Variants in ADCY1 observed in about 807,000 individuals in gnomAD.
ADCY1 encodes the protein adenylate cyclase type 1.
A neutral mutation model predicts 105.4 loss-of-function variants in ADCY1; 28 were observed. The observed-to-expected ratio is 0.27, with a 90% CI of 0.20 to 0.36. ADCY1 has a LOEUF of 0.36. ADCY1 is among the 10% of genes least tolerant of loss of function. The pLI is 1.00. For synonymous variants in ADCY1, 655 were observed against 623.8 expected (o/e 1.05, Z -0.75); for missense variants, 977 against 1,434.2 (o/e 0.68, Z 5.15).
At chr7:45,610,757 TG>T (rs1562686965) in intron 3 of ADCY1, among the ~76,000 whole-genome samples, 18 of 20,022 alleles carry the variant, frequency 9.0e-4, no homozygotes, top group South Asian at 3.2e-3. Flanking sequence ...ATGATGGAGG[TG>T]TAGAGGTGAT....
At position 45,647,545 on chromosome 7, in the gene ADCY1, TC is replaced by T. The variant is rs1390397891; in HGVS notation, c.1021-1123del. 6.6e-6 allele frequency among the ~76,000 whole-genome samples: 1 copy of T among 152,214 alleles called. No homozygotes were observed. The highest frequency in any genetic ancestry group is 2.4e-5 in the African/African-American group (1 of 41,462). The stretch of plus-strand genomic sequence containing the variant: ...AGACCATTTCAGGGGACTTGTGAGG[TC>T]CTTCCTCATCCAGCACTGTGCTTGT... On this transcript the variant is annotated intron_variant, in intron 4 of 19. Transcript: ENST00000297323. The surrounding 1 kb of genome is among the most constrained non-coding windows in gnomAD (Gnocchi z 4.6).
At chr7:45,693,236 C>T (rs1784815819) in intron 14 of ADCY1, among the ~76,000 whole-genome samples, 1 of 151,326 alleles carries the variant, frequency 6.6e-6, no homozygotes, top group South Asian at 2.1e-4. Flanking sequence ...TTCGGTTTGC[C>T]AGTATTTTAT....
At chr7:45,607,001 C>T (rs146673021) in intron 2 of ADCY1, among the ~76,000 whole-genome samples, 168 of 149,302 alleles carry the variant, frequency 1.1e-3, no homozygotes, top group African/African-American at 3.8e-3. Flanking sequence ...TGAGCTACTT[C>T]GTCTTTTTTT....
Position 45,587,637 on chromosome 7 carries a change from C to T in ADCY1, c.640-5122C>T, listed in dbSNP as rs148876872. Among the ~76,000 whole-genome samples the T allele has an allele frequency of 5.9e-5, 9 of 152,112 alleles. No individual in the cohort carries two copies. The East Asian group carries it at 1.4e-3, about 23-fold the overall frequency. On this transcript the variant is annotated intron_variant, in intron 1 of 19. Transcript: ENST00000297323. ...GATACTTTCTCCAAGGACTATGGGA[C>T]GTCTTGGGTTGGGGGAGGGGCCCAG...
rs146508299 is a variant in ADCY1, at chr7:45,601,174, C to T, written c.789+8266C>T. Among the ~76,000 whole-genome samples the T allele has an allele frequency of 2.8e-3, 420 of 152,272 alleles. 1 individual carries two copies. Among genetic ancestry groups the T allele is most frequent in the African/African-American group, 9.5e-3 (396 of 41,536 alleles). ...GAGTGCAAATAGAAGTACATATGGCCGCCCCTGTGCAGCTGGTGGAGAAGC... is the reference window on the plus strand; with the variant it reads ...GAGTGCAAATAGAAGTACATATGGCTGCCCCTGTGCAGCTGGTGGAGAAGC... On this transcript the variant is annotated intron_variant, in intron 2 of 19. Coordinates refer to ENST00000297323, the MANE Select transcript of ADCY1 (RefSeq NM_021116.4).
chr7:45,679,930 AG>A, intron 11 of ADCY1, 137 bp downstream of exon 11: 1 of 909,120 alleles, frequency 1.1e-6, no homozygotes, highest in Non-Finnish European at 1.7e-6. Context: ...CACCTTGTTC[AG>A]GTATGTGGGT....
At chr7:45,661,937 G>A (rs529342993) in intron 7 of ADCY1, 122 bp from the exon 8 acceptor site, 174 of 1,223,280 alleles carry the variant, frequency 1.4e-4, no homozygotes, top group Non-Finnish European at 1.8e-4. Flanking sequence ...TGAAGTAGGC[G>A]CTGAGCAAAT....
At chr7:45,597,663 G>C (rs1394818372) in intron 2 of ADCY1, among the ~76,000 whole-genome samples, 1 of 152,218 alleles carries the variant, frequency 6.6e-6, no homozygotes, top group Non-Finnish European at 1.5e-5. Flanking sequence ...GGTCTGGTCT[G>C]CTCCTGCCGA....
intron 6 of ADCY1, 37 bp downstream of exon 6, chr7:45,657,922 G>T: frequency 6.5e-7 from 1 of 1,541,370 alleles, no homozygotes. Flanking sequence ...GAGGGAGGTG[G>T]GTGATGGCTG....
At chr7:45,606,177 C>T (rs1313842002) in intron 2 of ADCY1, among the ~76,000 whole-genome samples, 1 of 151,900 alleles carries the variant, frequency 6.6e-6, no homozygotes, top group East Asian at 1.9e-4. Flanking sequence ...TTCCCACTGA[C>T]TCTGCAGAGT....
Position 45,713,950 on chromosome 7 carries a change from C to G in ADCY1, c.3315C>G (p.Ser1105=). 1.3e-6 allele frequency: 1 copy of G among 780,396 alleles called. No individual in the cohort carries two copies. Among genetic ancestry groups the G allele is most frequent in the Non-Finnish European group, 2.4e-6 (1 of 418,076 alleles). The allele number at this position is 780,396 out of a possible 1,614,324, so 48.3% of individuals were successfully genotyped here. A position where few individuals can be genotyped will look rare whatever the true frequency, so the allele number is the denominator to read the frequency against. ...TCAGGGCTGGGCTCCCTCCACACTCCCCAGGCCAGTACCTGCCCTCTGCAG... is the reference window on the plus strand; with the variant it reads ...TCAGGGCTGGGCTCCCTCCACACTCGCCAGGCCAGTACCTGCCCTCTGCAG... ...VSVRAGLPPH[S]PGQYLPSAAA... Residue 1105 remains serine, a synonymous_variant, in exon 20 of 20, where the codon TCC becomes TCG. Coordinates refer to ENST00000297323, the MANE Select transcript of ADCY1 (RefSeq NM_021116.4).
At chr7:45,679,451 C>T (rs932463618) in intron 10 of ADCY1, among the ~76,000 whole-genome samples, 4 of 152,182 alleles carry the variant, frequency 2.6e-5, no homozygotes, top group Admixed American at 1.3e-4. Context: ...TAGATCTCTG[C>T]GGTGGGGGTA....
chr7:45,670,264 C>T (rs1358862138), intron 8 of ADCY1, among the ~76,000 whole-genome samples: 1 of 152,186 alleles, frequency 6.6e-6, no homozygotes, highest in Non-Finnish European at 1.5e-5. Context: ...ATCATCTACT[C>T]ACTGAAGGAC....
intron 4 of ADCY1, among the ~76,000 whole-genome samples, chr7:45,642,024 T>A (rs551225856): frequency 6.6e-6 from 1 of 151,848 alleles, no homozygotes; most frequent in Admixed American, 6.6e-5. Context: ...CTTGCGAGAT[T>A]TTAATATTTG....
At chr7:45,595,030 A>G (rs191322054) in intron 2 of ADCY1, among the ~76,000 whole-genome samples, 2 of 152,304 alleles carry the variant, frequency 1.3e-5, no homozygotes, top group East Asian at 3.9e-4. Flanking sequence ...CAGTGTTCTC[A>G]GTGTCTGACA....
At chr7:45,585,139 G>T (rs961281626) in intron 1 of ADCY1, among the ~76,000 whole-genome samples, 5 of 152,234 alleles carry the variant, frequency 3.3e-5, no homozygotes, top group African/African-American at 4.8e-5. Flanking sequence ...CTTCTTAAGA[G>T]AATGCATTGC....
chr7:45,671,813 A>G (rs1784373122), intron 8 of ADCY1, among the ~76,000 whole-genome samples: 1 of 152,162 alleles, frequency 6.6e-6, no homozygotes, highest in Non-Finnish European at 1.5e-5. Context: ...TTGAGAGTTC[A>G]TGGTATATTC....
rs1046195720 is a variant in ADCY1 at position 45,610,423 on chromosome 7, G to A, written c.834G>A (p.Glu278=). The change falls in exon 3 of 20, where the codon GAG becomes GAA. Residue 278 remains glutamate (E), a synonymous_variant. Transcript: ENST00000297323. ...TCCTGCCCCGGAACGTTGCCATGGAGATGAAGGAGGACTTCCTGAAGCCCC... is the reference window on the plus strand; with the variant it reads ...TCCTGCCCCGGAACGTTGCCATGGAAATGAAGGAGGACTTCCTGAAGCCCC... ...MSLLPRNVAM[E]MKEDFLKPPE... 6.2e-7 allele frequency: 1 copy of A among 1,613,928 alleles called. No homozygotes were observed. Among genetic ancestry groups the A allele is most frequent in the African/African-American group, 1.3e-5 (1 of 74,924 alleles).
intron 8 of ADCY1, among the ~76,000 whole-genome samples, chr7:45,666,515 T>C (rs1562715316): frequency 1.3e-5 from 2 of 152,276 alleles, no homozygotes; most frequent in East Asian, 1.9e-4. Context: ...ATTTTCTTAA[T>C]ACAGTCTGTC....
Sources: allele counts gnomAD v4.1 joint callset (sites outside exome capture counted in the v4.1 genomes callset), GRCh38; gene constraint gnomAD v4.1.1; non-coding constraint Gnocchi (gnomAD v3.1); transcripts MANE v1.5; gene names NCBI Gene and HGNC (gene_info 2026-07-23, HGNC 2026-07-21).